The following FLVCR2 variants were observed in gnomAD, a reference collection of about 807,000 sequenced individuals.
The protein encoded by FLVCR2 is FLVCR choline and putative heme transporter 2.
FLVCR2 carries 38 observed loss-of-function variants against 48.9 expected under a neutral mutation model. The ratio of observed to expected loss-of-function variants is 0.78; its 90% CI spans 0.60 to 1.02. The LOEUF (loss-of-function observed/expected upper bound fraction) is 1.02, where lower values mean the gene tolerates loss of function less well. Ranked by LOEUF, FLVCR2 falls within the 50% of genes least tolerant of loss-of-function variation. The pLI is 0.00. For missense variants in FLVCR2, 664 were observed against 663.3 expected, an observed-to-expected ratio of 1.00 and a Z score of -0.01; for synonymous variants, 255 against 257.0, an observed-to-expected ratio of 0.99 and a Z score of 0.07.
Position 75,624,610 on chromosome 14 carries a change from A to G in FLVCR2, c.812-2A>G. 1 of 1,613,902 alleles carries G rather than the reference A, an allele frequency of 6.2e-7. No homozygotes were observed. Among genetic ancestry groups the G allele is most frequent in the Non-Finnish European group, 8.5e-7 (1 of 1,179,946 alleles). ...CAGCCATCTCTGTTTTTTTCCTTTC[A>G]GTGTTCAAGGAGAAACCTAAATATC... is the stretch of plus-strand genomic sequence containing the variant. On this transcript the variant is annotated splice_acceptor_variant, in intron 2 of 9. Transcript: ENST00000238667. LOFTEE classifies it high-confidence loss of function.
At chr14:75,626,419 A>G (rs56077236) in intron 3 of FLVCR2, among the ~76,000 whole-genome samples, 8,219 of 151,978 alleles carry the variant, frequency 0.054, 290 homozygotes, top group Middle Eastern at 0.12. Flanking sequence ...GAAACACTAG[A>G]TAAGAGGTGG....
chr14:75,616,044 A>AAAAAAAAAAAAAAAAAG (rs1272014340), intron 1 of FLVCR2, among the ~76,000 whole-genome samples: 1 of 145,332 alleles, frequency 6.9e-6, no homozygotes, highest in Non-Finnish European at 1.5e-5. Context: ...AAAAAAAAAA[A>AAAAAAAAAAAAAAAAAG]AAAATAGCGT....
At chr14:75,600,034 G>T (rs1889125126) in intron 1 of FLVCR2, among the ~76,000 whole-genome samples, 1 of 152,172 alleles carries the variant, frequency 6.6e-6, no homozygotes, top group Admixed American at 6.5e-5. Flanking sequence ...CTAAGTCACA[G>T]GATGAGATAG....
At position 75,642,188 on chromosome 14, in the gene FLVCR2, A is replaced by C. The variant is rs74863293; in HGVS notation, c.1509+290A>C. ...TGTCACCGTTGTCACAGTCTGCTGA[A>C]CAGCACCCCTGACTGGATCTTGAGC... On this transcript the variant is annotated intron_variant, in intron 9 of 9. Coordinates refer to ENST00000238667, the MANE Select transcript of FLVCR2 (RefSeq NM_017791.3). Among the ~76,000 whole-genome samples, 1,535 of 152,254 alleles carry C rather than the reference A, an allele frequency of 0.01. 14 individuals carry two copies. Among genetic ancestry groups the C allele is most frequent in the African/African-American group, 0.024 (979 of 41,542 alleles).
chr14:75,608,555 G>T (rs10142315), intron 1 of FLVCR2, among the ~76,000 whole-genome samples: 62,373 of 151,876 alleles, frequency 0.41, 17,240 homozygotes, highest in African/African-American at 0.76. Context: ...GGCCTGGGAG[G>T]GAGAAGTTTT....
intron 1 of FLVCR2, among the ~76,000 whole-genome samples, chr14:75,609,716 G>A (rs868710550): frequency 6.6e-6 from 1 of 152,288 alleles, no homozygotes; most frequent in Middle Eastern, 3.4e-3. Context: ...CAGAATAGGA[G>A]GGCTATTACC....
intron 1 of FLVCR2, 69 bp from the exon 2 acceptor site, chr14:75,622,010 C>A: frequency 1.3e-6 from 2 of 1,482,730 alleles, no homozygotes; most frequent in Non-Finnish European, 1.9e-6. Context: ...TATTAGGAAT[C>A]TCTTTACATT....
At chr14:75,590,001 G>A (rs1237351361) in intron 1 of FLVCR2, among the ~76,000 whole-genome samples, 2 of 152,166 alleles carry the variant, frequency 1.3e-5, no homozygotes, top group Non-Finnish European at 2.9e-5. Context: ...CCGAGACTGA[G>A]TAACTAAGAA....
chr14:75,611,024 T>C (rs958608800), intron 1 of FLVCR2, among the ~76,000 whole-genome samples: 1 of 152,218 alleles, frequency 6.6e-6, no homozygotes, highest in Non-Finnish European at 1.5e-5. Context: ...CTTGTGATTG[T>C]GTCAGACGTG....
At position 75,638,305 on chromosome 14, in the gene FLVCR2, C is replaced by T. The variant is rs539398364; in HGVS notation, c.1125-1047C>T. Among the ~76,000 whole-genome samples the T allele has an allele frequency of 9.2e-5, 14 of 152,178 alleles. No individual in the cohort carries two copies. In the South Asian group the frequency reaches 2.9e-3, roughly 32 times the overall value. On this transcript the variant is annotated intron_variant, in intron 5 of 9. Transcript: ENST00000238667. ...ACAAAAAATTAGCCACGTATGGTGGCGCATGCCTGTAATCTCAGCTACTTG... is the reference window on the plus strand; with the variant it reads ...ACAAAAAATTAGCCACGTATGGTGGTGCATGCCTGTAATCTCAGCTACTTG...
intron 1 of FLVCR2, among the ~76,000 whole-genome samples, chr14:75,581,271 A>G (rs1276876882): frequency 6.6e-6 from 1 of 152,224 alleles, no homozygotes; most frequent in African/African-American, 2.4e-5. Context: ...AAGAATTGGG[A>G]GGACCTAGGA....
At chr14:75,625,853 A>C (rs757199111) in intron 3 of FLVCR2, among the ~76,000 whole-genome samples, 26 of 151,982 alleles carry the variant, frequency 1.7e-4, no homozygotes, top group Non-Finnish European at 3.4e-4. Context: ...TGATGTTGGT[A>C]CTAAAATTAT....
chr14:75,601,157 A>T (rs1889157211), intron 1 of FLVCR2, among the ~76,000 whole-genome samples: 1 of 152,262 alleles, frequency 6.6e-6, no homozygotes, highest in Non-Finnish European at 1.5e-5. Flanking sequence ...AGTATCCCAT[A>T]TGGGAAATGA....
chr14:75,633,765 T>C, intron 4 of FLVCR2, 69 bp downstream of exon 4: 2 of 1,220,674 alleles, frequency 1.6e-6, no homozygotes, highest in Non-Finnish European at 1.2e-6. Flanking sequence ...TGGCAGGACC[T>C]GGGATGACCG....
chr14:75,580,278 T>G (rs1396476521), intron 1 of FLVCR2, among the ~76,000 whole-genome samples: 1 of 152,236 alleles, frequency 6.6e-6, no homozygotes, highest in Non-Finnish European at 1.5e-5. Context: ...TCTTTCTTTC[T>G]TATTGGAAGG....
intron 1 of FLVCR2, among the ~76,000 whole-genome samples, chr14:75,597,487 T>C (rs1256375884): frequency 6.6e-6 from 1 of 152,066 alleles, no homozygotes. Context: ...GCCTAATCCA[T>C]GGGGATAGAT....
intron 1 of FLVCR2, among the ~76,000 whole-genome samples, chr14:75,609,495 T>C (rs1889383294): frequency 6.6e-6 from 1 of 152,222 alleles, no homozygotes; most frequent in South Asian, 2.1e-4. Flanking sequence ...AGATTTCTTT[T>C]TCTTTCCAGC....
At chr14:75,630,509 T>C (rs1317697022) in intron 3 of FLVCR2, among the ~76,000 whole-genome samples, 1 of 152,106 alleles carries the variant, frequency 6.6e-6, no homozygotes, top group Non-Finnish European at 1.5e-5. Flanking sequence ...AAATCTGCAG[T>C]TTTAAACTTT....
intron 5 of FLVCR2, among the ~76,000 whole-genome samples, chr14:75,638,678 A>C (rs942158867): frequency 2.0e-5 from 3 of 152,176 alleles, no homozygotes; most frequent in African/African-American, 7.2e-5. Flanking sequence ...GGATGGGAGA[A>C]GGAGAAAGGG....
Sources: allele counts gnomAD v4.1 joint callset (sites outside exome capture counted in the v4.1 genomes callset), GRCh38; gene constraint gnomAD v4.1.1; transcripts MANE v1.5; gene names NCBI Gene and HGNC (gene_info 2026-07-23, HGNC 2026-07-21).